The following FHIT variants were observed in gnomAD, a reference collection of about 807,000 sequenced individuals.
FHIT encodes fragile histidine triad diadenosine triphosphatase, also known as bis(5'-adenosyl)-triphosphatase.
FHIT carries 19 observed loss-of-function variants against 17.9 expected under a neutral mutation model. The observed-to-expected ratio is 1.06, with a 90% CI of 0.74 to 1.56. The LOEUF (loss-of-function observed/expected upper bound fraction) is 1.56, where lower values mean the gene tolerates loss of function less well. Among genes scored for constraint, FHIT ranks in the 40% most tolerant of loss-of-function variants. The probability of loss-of-function intolerance (pLI) is 0.00; values close to 1 mark genes in which losing one functional copy is unlikely to be tolerated. For missense variants in FHIT, 248 were observed against 189.2 expected (o/e 1.31, Z -1.82); for synonymous variants, 81 against 69.7 (o/e 1.16, Z -0.81).
chr3:59,923,221 CAAAAAAAAAAA>C (rs532237239), intron 7 of FHIT, among the ~76,000 whole-genome samples: 2 of 67,456 alleles, frequency 3.0e-5, no homozygotes, highest in Non-Finnish European at 5.0e-5. Flanking sequence ...CGAGACTCCT[CAAAAAAAAAAA>C]AAAAAAAAAA....
At chr3:61,119,118 A>C (rs1341329514) in intron 2 of FHIT, among the ~76,000 whole-genome samples, 3 of 152,144 alleles carry the variant, frequency 2.0e-5, no homozygotes, top group African/African-American at 4.8e-5. Context: ...GCAATTTACT[A>C]ATCTGCACTG....
At chr3:60,393,093 C>T (rs563104709) in intron 5 of FHIT, among the ~76,000 whole-genome samples, 2 of 152,002 alleles carry the variant, frequency 1.3e-5, no homozygotes, top group East Asian at 3.9e-4. Context: ...CCGATTTGGC[C>T]CCTTCTGACT....
chr3:60,429,031 A>G (rs887972803), intron 5 of FHIT, among the ~76,000 whole-genome samples: 3 of 152,094 alleles, frequency 2.0e-5, no homozygotes, highest in African/African-American at 7.2e-5. Flanking sequence ...TATATAATGC[A>G]AAACTTCAAA....
chr3:60,976,096 CTTTTTTTTTTT>C lies in FHIT; in HGVS notation c.-111+65940_-111+65950del, dbSNP rs869239307. Among the ~76,000 whole-genome samples, 45 of 66,796 alleles carry C rather than the reference CTTTTTTTTTTT, an allele frequency of 6.7e-4. 1 individual carries two copies. In the South Asian group the frequency reaches 9.4e-3, roughly 14 times the overall value. 43.8% of individuals were successfully genotyped at this position (66,796 alleles called of 152,430 possible). On this transcript the variant is annotated intron_variant, in intron 3 of 9. Coordinates refer to ENST00000492590, the MANE Select transcript of FHIT (RefSeq NM_002012.4). Reference sequence around the variant, plus strand: ...CTTTGTATCTTTCGTTTTTCTTTTTCTTTTTTTTTTTTTTTTTTTTTTTTTTTTGAGACGGA... The same window carrying C: ...CTTTGTATCTTTCGTTTTTCTTTTTCTTTTTTTTTTTTTTTTTGAGACGGA...
At chr3:59,890,013 T>C (rs1703787163) in intron 8 of FHIT, among the ~76,000 whole-genome samples, 1 of 152,200 alleles carries the variant, frequency 6.6e-6, no homozygotes, top group African/African-American at 2.4e-5. Context: ...AGGCCTTCAA[T>C]GAAGACGTCA....
chr3:59,977,682 C>T (rs1229399912), intron 7 of FHIT, among the ~76,000 whole-genome samples: 2 of 152,026 alleles, frequency 1.3e-5, no homozygotes, highest in Non-Finnish European at 2.9e-5. Context: ...TATTCCTGTC[C>T]ATAGTTCCCC....
At chr3:60,274,150 T>A (rs960678083) in intron 5 of FHIT, among the ~76,000 whole-genome samples, 2 of 152,156 alleles carry the variant, frequency 1.3e-5, no homozygotes, top group African/African-American at 4.8e-5. Flanking sequence ...AAAGTTCATC[T>A]TATACAGGGT....
At chr3:60,629,289 G>A (rs73095392) in intron 4 of FHIT, among the ~76,000 whole-genome samples, 5,869 of 152,264 alleles carry the variant, frequency 0.039, 166 homozygotes, top group Non-Finnish European at 0.061. Context: ...GGGATAGATA[G>A]CAGGCTGTGT....
chr3:61,084,216 T>C (rs2035236774), intron 2 of FHIT, among the ~76,000 whole-genome samples: 1 of 152,232 alleles, frequency 6.6e-6, no homozygotes. Flanking sequence ...AAAATTCAAG[T>C]GTCCCTACAT....
At chr3:60,423,254 G>A (rs1232158963) in intron 5 of FHIT, among the ~76,000 whole-genome samples, 2 of 152,090 alleles carry the variant, frequency 1.3e-5, no homozygotes, top group South Asian at 2.1e-4. Context: ...AGATTTCACT[G>A]CACTGGTGAA....
At chr3:60,239,569 C>CA (rs1252473788) in intron 5 of FHIT, among the ~76,000 whole-genome samples, 4 of 151,936 alleles carry the variant, frequency 2.6e-5, no homozygotes, top group Non-Finnish European at 5.9e-5. Context: ...AAAAAGCAAA[C>CA]AAAAAACAGA....
At chr3:59,962,948 G>T (rs1575775049) in intron 7 of FHIT, among the ~76,000 whole-genome samples, 1 of 152,120 alleles carries the variant, frequency 6.6e-6, no homozygotes, top group East Asian at 1.9e-4. Context: ...AATAAGCCAG[G>T]TATAATAAGA....
At chr3:59,974,251 A>C (rs754194019) in intron 7 of FHIT, among the ~76,000 whole-genome samples, 8 of 152,176 alleles carry the variant, frequency 5.3e-5, no homozygotes, top group Non-Finnish European at 1.2e-4. Context: ...AGGAAGAATA[A>C]TAAAAGAAAA....
At chr3:60,434,777 C>G (rs970552987) in intron 5 of FHIT, among the ~76,000 whole-genome samples, 2 of 152,068 alleles carry the variant, frequency 1.3e-5, no homozygotes, top group African/African-American at 4.8e-5. Context: ...AAACATTTTA[C>G]AGTATATTCC....
In FHIT at chr3:60,475,158, T is replaced by C. The variant is rs1125547; in HGVS notation, c.103+61702A>G. On this transcript the variant is annotated intron_variant, in intron 5 of 9. Transcript: ENST00000492590. The stretch of plus-strand genomic sequence containing the variant: ...GCAACTGTCGAAGTGTTTTACTATG[T>C]GCCAGGCACTGGGCCAGAGACTCTT... Among the ~76,000 whole-genome samples, 21 of 149,054 alleles carry C rather than the reference T, an allele frequency of 1.4e-4. No individual in the cohort carries two copies. In the South Asian group the frequency reaches 2.5e-3, roughly 18 times the overall value.
intron 8 of FHIT, among the ~76,000 whole-genome samples, chr3:59,889,535 T>G (rs1177221018): frequency 6.6e-6 from 1 of 152,212 alleles, no homozygotes; most frequent in Admixed American, 6.5e-5. Flanking sequence ...CATGGCCAAG[T>G]GATTTGCATT....
intron 5 of FHIT, among the ~76,000 whole-genome samples, chr3:60,111,082 C>A (rs1003477912): frequency 6.6e-6 from 1 of 151,700 alleles, no homozygotes; most frequent in Non-Finnish European, 1.5e-5. Flanking sequence ...ACAGAGTGAT[C>A]TGATAGGCCA....
intron 5 of FHIT, among the ~76,000 whole-genome samples, chr3:60,240,407 C>T (rs907136700): frequency 6.6e-6 from 1 of 152,090 alleles, no homozygotes; most frequent in African/African-American, 2.4e-5. Context: ...ATCATCAGAG[C>T]AGATCAAACT....
At chr3:61,176,710 C>T (rs980490279) in intron 2 of FHIT, among the ~76,000 whole-genome samples, 4 of 152,184 alleles carry the variant, frequency 2.6e-5, no homozygotes, top group African/African-American at 7.2e-5. Context: ...GATTCAGCAG[C>T]ATATTCAAAG....
Sources: gnomAD v4.1 joint callset for allele counts (sites outside exome capture counted in the v4.1 genomes callset) on GRCh38, gnomAD v4.1.1 for gene constraint, MANE v1.5 for transcripts, NCBI Gene and HGNC (gene_info 2026-07-23, HGNC 2026-07-21) for gene names.